The following MINK1 variants were observed in gnomAD, a reference collection of about 807,000 sequenced individuals.
MINK1 encodes misshapen-like kinase 1.
In MINK1, 46 loss-of-function variants were observed where a neutral mutation model predicts 178.4. The ratio of observed to expected loss-of-function variants is 0.26; its 90% CI spans 0.20 to 0.33. The LOEUF (loss-of-function observed/expected upper bound fraction) is 0.33, where lower values mean the gene tolerates loss of function less well. MINK1 is among the 10% of genes least tolerant of loss of function. The probability of loss-of-function intolerance (pLI) is 1.00; values close to 1 mark genes in which losing one functional copy is unlikely to be tolerated. For synonymous variants in MINK1, 797 were observed against 709.7 expected, an observed-to-expected ratio of 1.12 and a Z score of -1.96; for missense variants, 1,366 against 1,814.9, an observed-to-expected ratio of 0.75 and a Z score of 4.49.
chr17:4,873,617 C>CTTTTTTTT lies in MINK1; in HGVS notation c.58-4688_58-4681dup, dbSNP rs71367860. On this transcript the variant is annotated intron_variant, in intron 1 of 31. Coordinates refer to ENST00000355280, the MANE Select transcript of MINK1 (RefSeq NM_153827.5). ...GGTCTTCGCCACTCTTTTTTCTTTT[C>CTTTTTTTT]TTTTTTTTTTTTTTTTTTTGAGAAG... Among the ~76,000 whole-genome samples the CTTTTTTTT allele has an allele frequency of 2.8e-5, 3 of 108,086 alleles. 1 individual carries two copies. The allele number at this position is 108,086 out of a possible 152,430, so 70.9% of individuals were successfully genotyped here.
chr17:4,892,937 CTTG>C, intron 19 of MINK1, 39 bp from the exon 20 acceptor site: 1 of 1,503,446 alleles, frequency 6.7e-7, no homozygotes, highest in South Asian at 1.2e-5. Flanking sequence ...GAGGCCATCC[CTTG>C]TTCAGGCATC....
rs1393767652 is a variant in MINK1 at position 4,890,743 on chromosome 17, CTGCCTCCTT to C, written c.1566+17_1566+25del. On this transcript the variant is annotated intron_variant, in intron 14 of 31. Coordinates refer to ENST00000355280, the MANE Select transcript of MINK1 (RefSeq NM_153827.5). ...CCAGCCTGGGCCCGAGAGGTACTCA[CTGCCTCCTT>C]TGCCTCCTGAGACTGCAGTCCCACT... is the stretch of plus-strand genomic sequence containing the variant. 6.5e-7 allele frequency: 1 copy of C among 1,542,840 alleles called. No homozygotes were observed. Among genetic ancestry groups the C allele is most frequent in the Non-Finnish European group, 8.8e-7 (1 of 1,141,360 alleles).
chr17:4,895,382 C>T lies in MINK1; in HGVS notation c.3118C>T (p.Leu1040=), dbSNP rs748052119. The T allele has an allele frequency of 6.2e-7, 1 of 1,609,606 alleles. No homozygotes were observed. The change falls in exon 26 of 32, where the codon CTG becomes TTG. Residue 1040 remains leucine, a synonymous_variant. Coordinates refer to ENST00000355280, the MANE Select transcript of MINK1 (RefSeq NM_153827.5). This position sits in a 1 kb window ranked among gnomAD's most constrained non-coding sequence, Gnocchi z 4.3. ...VNLLVGTENG[L]MLLDRSGQGK... ...CCTGCTGGTGGGCACGGAGAACGGG[C>T]TGATGTTGCTGGACCGAAGTGGGCA...
In MINK1 at chr17:4,833,406, A is replaced by C; in HGVS notation, c.-178A>C. Reference sequence around the variant, plus strand: ...CTCGGGTGGCTGGCTCCGGGGAGATAGCGCCTGTCAGTCGGTGGGTCGGTC... The same window carrying C: ...CTCGGGTGGCTGGCTCCGGGGAGATCGCGCCTGTCAGTCGGTGGGTCGGTC... On this transcript the variant is annotated 5_prime_UTR_variant, in exon 1 of 32. Transcript: ENST00000355280. The surrounding 1 kb of genome is among the most constrained non-coding windows in gnomAD (Gnocchi z 4.8). The C allele has an allele frequency of 1.9e-6, 1 of 539,086 alleles. No individual in the cohort carries two copies. 33.4% of individuals were successfully genotyped at this position (539,086 alleles called of 1,614,324 possible).
In MINK1 at chr17:4,893,597, G is replaced by T. The variant is rs984306100; in HGVS notation, c.2564G>T (p.Arg855Leu). 4.6e-6 allele frequency: 7 copies of T among 1,530,184 alleles called. No homozygotes were observed. The highest frequency in any genetic ancestry group is 6.2e-6 in the Non-Finnish European group (7 of 1,136,240). 94.8% of individuals were successfully genotyped at this position (1,530,184 alleles called of 1,614,324 possible). The change falls in exon 21 of 32, where the codon CGC becomes CTC. Residue 855 changes from arginine (R) to leucine (L), a missense_variant and splice_region_variant. Arg to Leu is a moderately radical substitution (Grantham distance 102). Transcript: ENST00000355280. ...AEGSRDTPGG[R>L]SDGDTDSVST... ...GGGAGCAGAGATACCCCTGGGGGCC[G>T]GTACGGCATCGGGAGTGGGGCCCTC...
At chr17:4,877,091 GA>G (rs1010571846) in intron 1 of MINK1, among the ~76,000 whole-genome samples, 491 of 100,456 alleles carry the variant, frequency 4.9e-3, no homozygotes, top group Non-Finnish European at 5.9e-3. Flanking sequence ...AGTCTCAAAA[GA>G]AAAAAAAAAA....
At chr17:4,852,696 T>C (rs1401116762) in intron 1 of MINK1, among the ~76,000 whole-genome samples, 3 of 127,838 alleles carry the variant, frequency 2.3e-5, no homozygotes, top group East Asian at 2.3e-4. Flanking sequence ...AGCAGTCATA[T>C]GTGAGCCTGA....
chr17:4,887,930 T>G lies in MINK1; in HGVS notation c.1230+140T>G, dbSNP rs1968369776. On this transcript the variant is annotated intron_variant, in intron 12 of 31. Transcript: ENST00000355280. This position sits in a 1 kb window ranked among gnomAD's most constrained non-coding sequence, Gnocchi z 7.6. Reference sequence around the variant, plus strand: ...TGAAACAATTATATGATTTCAAATTTCATGATGAGCTGGACTTAACACAAA... The same window carrying G: ...TGAAACAATTATATGATTTCAAATTGCATGATGAGCTGGACTTAACACAAA... 2 of 736,464 alleles carry G rather than the reference T, an allele frequency of 2.7e-6. No homozygotes were observed. Among genetic ancestry groups the G allele is most frequent in the Non-Finnish European group, 4.1e-6 (2 of 491,008 alleles). 45.6% of individuals were successfully genotyped at this position (736,464 alleles called of 1,614,324 possible). A position where few individuals can be genotyped will look rare whatever the true frequency, so the allele number is the denominator to read the frequency against.
chr17:4,886,278 G>A lies in MINK1; in HGVS notation c.773+80G>A, dbSNP rs1968188992. ...CCCACCTTCATGCCCTCTGTGCTCA[G>A]GCTTGGATCTCACCAGAGAAGAGAT... On this transcript the variant is annotated intron_variant, in intron 9 of 31. Transcript: ENST00000355280. This position sits in a 1 kb window ranked among gnomAD's most constrained non-coding sequence, Gnocchi z 6.1. 6.4e-7 allele frequency: 1 copy of A among 1,557,702 alleles called. No individual in the cohort carries two copies. The highest frequency in any genetic ancestry group is 8.9e-7 in the Non-Finnish European group (1 of 1,129,270).
chr17:4,835,628 A>G (rs1909198838), intron 1 of MINK1, among the ~76,000 whole-genome samples: 1 of 151,480 alleles, frequency 6.6e-6, no homozygotes, highest in Admixed American at 6.6e-5. Context: ...CCTTGTCTTA[A>G]ACAAAACAAA....
At chr17:4,868,118 A>C (rs1471064887) in intron 1 of MINK1, among the ~76,000 whole-genome samples, 1 of 151,646 alleles carries the variant, frequency 6.6e-6, no homozygotes, top group Non-Finnish European at 1.5e-5. Context: ...CTGGGACTAC[A>C]GGCATACACC....
rs572266566 is a variant in MINK1 at position 4,886,056 on chromosome 17, C to A, written c.695-64C>A. 2 of 1,609,650 alleles carry A rather than the reference C, an allele frequency of 1.2e-6. No homozygotes were observed. The highest frequency in any genetic ancestry group is 1.7e-6 in the Non-Finnish European group (2 of 1,176,116). On this transcript the variant is annotated intron_variant, in intron 8 of 31. Transcript: ENST00000355280. The surrounding 1 kb of genome is among the most constrained non-coding windows in gnomAD (Gnocchi z 6.1). ...GAGGAGGTGGGTCCTGGGACCCTGC[C>A]GAGGAAGGGTCCTGTAGCTCCCAGT...
At chr17:4,855,592 A>G (rs189104618) in intron 1 of MINK1, among the ~76,000 whole-genome samples, 122 of 150,906 alleles carry the variant, frequency 8.1e-4, no homozygotes, top group Middle Eastern at 3.4e-3. Flanking sequence ...ACAGCAGTGA[A>G]ACCCCATATC....
chr17:4,872,322 T>C (rs1915949774), intron 1 of MINK1, among the ~76,000 whole-genome samples: 1 of 136,546 alleles, frequency 7.3e-6, no homozygotes, highest in African/African-American at 2.8e-5. Context: ...AGAATGAGAC[T>C]AAGTCTTAAA....
chr17:4,892,075 C>G (rs1968878840), intron 16 of MINK1, 74 bp from the exon 17 acceptor site: 14 of 1,251,782 alleles, frequency 1.1e-5, no homozygotes, highest in Non-Finnish European at 1.4e-5. Context: ...GCTCACCTCT[C>G]AGAGGTGAGG....
Position 4,894,390 on chromosome 17 carries a change from A to G in MINK1, c.2808+79A>G. 6.4e-7 allele frequency: 1 copy of G among 1,558,044 alleles called. No individual in the cohort carries two copies. Among genetic ancestry groups the G allele is most frequent in the Non-Finnish European group, 8.7e-7 (1 of 1,150,854 alleles). ...GGAGGTCCCGGTGCTGGGTAACGGC[A>G]GAGGATGGGGCGGAGCGCTGGGAGC... On this transcript the variant is annotated intron_variant, in intron 23 of 31. Transcript: ENST00000355280. The surrounding 1 kb of genome is among the most constrained non-coding windows in gnomAD (Gnocchi z 4.1).
intron 1 of MINK1, among the ~76,000 whole-genome samples, chr17:4,855,080 C>T (rs1567570111): frequency 6.6e-6 from 1 of 151,574 alleles, no homozygotes; most frequent in South Asian, 2.1e-4. Context: ...TGGTGGTGGG[C>T]GCCTATAGTC....
In MINK1 at chr17:4,894,044, TC is replaced by T; in HGVS notation, c.2622del (p.Thr875ProfsTer69). On this transcript the variant is annotated frameshift_variant, in exon 22 of 32. Coordinates refer to ENST00000355280, the MANE Select transcript of MINK1 (RefSeq NM_153827.5). LOFTEE classifies it high-confidence loss of function. This position sits in a 1 kb window ranked among gnomAD's most constrained non-coding sequence, Gnocchi z 4.1. ...ATGGTGGTCCACGACGTCGAGGAGA[TC>T]ACCGGGACCCAGCCCCCATACGGGG... ...STMVVHDVEE[I>X]TGTQPPYGGG... 1 of 1,588,746 alleles carries T rather than the reference TC, an allele frequency of 6.3e-7. No individual in the cohort carries two copies. Among genetic ancestry groups the T allele is most frequent in the Non-Finnish European group, 8.6e-7 (1 of 1,166,588 alleles).
chr17:4,864,693 C>G (rs1330959177), intron 1 of MINK1, among the ~76,000 whole-genome samples: 2 of 152,132 alleles, frequency 1.3e-5, no homozygotes. Flanking sequence ...CCATTGAACT[C>G]CAGCCTAGGC....
Sources: gnomAD v4.1 joint callset for allele counts (sites outside exome capture counted in the v4.1 genomes callset) on GRCh38, gnomAD v4.1.1 for gene constraint, Gnocchi (gnomAD v3.1) non-coding constraint, MANE v1.5 for transcripts, NCBI Gene and HGNC (gene_info 2026-07-23, HGNC 2026-07-21) for gene names.